The following DNAAF11 variants were observed in gnomAD, a reference collection of about 807,000 sequenced individuals.
DNAAF11 encodes the protein leucine rich repeat containing 6.
Under a neutral mutation model 60.8 loss-of-function variants are expected in DNAAF11, and 45 were observed. The ratio of observed to expected loss-of-function variants is 0.74; its 90% CI spans 0.58 to 0.95. The LOEUF is 0.95. Among genes scored for constraint, DNAAF11 ranks in the 40% least tolerant of loss-of-function variants. DNAAF11 has a pLI of 0.00. For missense variants in DNAAF11, 546 were observed against 546.2 expected, an observed-to-expected ratio of 1.00 and a Z score of 0.00; for synonymous variants, 191 against 183.5, an observed-to-expected ratio of 1.04 and a Z score of -0.33.
chr8:132,576,913 A>T (rs1473416081), intron 11 of DNAAF11, among the ~76,000 whole-genome samples: 4 of 152,180 alleles, frequency 2.6e-5, no homozygotes, highest in African/African-American at 9.7e-5. Context: ...CAGAGGCTGA[A>T]GCTGAGGGTC....
chr8:132,649,454 T>C (rs1822767233), intron 3 of DNAAF11, among the ~76,000 whole-genome samples: 1 of 152,266 alleles, frequency 6.6e-6, no homozygotes, highest in South Asian at 2.1e-4. Flanking sequence ...GACATAGGCA[T>C]GGGCAAGGGC....
At chr8:132,584,723 T>C (rs1407155468) in intron 10 of DNAAF11, among the ~76,000 whole-genome samples, 2 of 152,124 alleles carry the variant, frequency 1.3e-5, no homozygotes, top group African/African-American at 2.4e-5. Flanking sequence ...ATCTCTCTTA[T>C]GGGCAGGGTC....
At position 132,582,344 on chromosome 8, in the gene DNAAF11, C is replaced by A. The variant is rs76804637; in HGVS notation, c.1226+1350G>T. Among the ~76,000 whole-genome samples the A allele has an allele frequency of 2.6e-5, 4 of 152,296 alleles. No homozygotes were observed. The East Asian group carries it at 7.7e-4, about 29-fold the overall frequency. On this transcript the variant is annotated intron_variant, in intron 11 of 11. Transcript: ENST00000620350. ...CACAGGAGGGACTGCTATGAAGAAT[C>A]GTGCTAAGACATCTTGAATCCTCAA...
intron 11 of DNAAF11, among the ~76,000 whole-genome samples, chr8:132,580,319 C>T (rs1195299528): frequency 2.0e-5 from 3 of 152,098 alleles, no homozygotes; most frequent in Non-Finnish European, 2.9e-5. Flanking sequence ...AAGGATCAAT[C>T]GGAAAGCAAG....
rs190840224 is a variant in DNAAF11, at chr8:132,665,968, A to G, written c.11-4341T>C. ...AGTAACATGGATGCAGCTGGAGGCC[A>G]TTATCCCAAGTGAATTCATGCACGA... On this transcript the variant is annotated intron_variant, in intron 1 of 11. Transcript: ENST00000620350. Among the ~76,000 whole-genome samples the G allele has an allele frequency of 2.0e-5, 3 of 152,372 alleles. No homozygotes were observed. The East Asian group carries it at 5.8e-4, about 29-fold the overall frequency.
At position 132,628,687 on chromosome 8, in the gene DNAAF11, G is replaced by T. The variant is rs554148034; in HGVS notation, c.654-3233C>A. Among the ~76,000 whole-genome samples, 208 of 152,268 alleles carry T rather than the reference G, an allele frequency of 1.4e-3. 2 individuals carry two copies. The highest frequency in any genetic ancestry group is 4.7e-3 in the African/African-American group (196 of 41,560). ...TAATTCAATGATTCAGGATTTCAATGATTCTCTCCAGAATGTCTACGTTTC... is the reference window on the plus strand; with the variant it reads ...TAATTCAATGATTCAGGATTTCAATTATTCTCTCCAGAATGTCTACGTTTC... On this transcript the variant is annotated intron_variant, in intron 5 of 11. Coordinates refer to ENST00000620350, the MANE Select transcript of DNAAF11 (RefSeq NM_012472.6).
intron 10 of DNAAF11, among the ~76,000 whole-genome samples, chr8:132,600,853 A>C (rs896178126): frequency 3.9e-5 from 6 of 152,246 alleles, no homozygotes; most frequent in African/African-American, 1.2e-4. Flanking sequence ...CATTCAGGAC[A>C]TAGGCATGGG....
chr8:132,597,725 TC>T (rs1286675548), intron 10 of DNAAF11, among the ~76,000 whole-genome samples: 1 of 152,188 alleles, frequency 6.6e-6, no homozygotes, highest in Non-Finnish European at 1.5e-5. Context: ...TATTTCCTTG[TC>T]CCCAGTTGAC....
rs975578258 is a variant in DNAAF11 at position 132,675,329 on chromosome 8, G to C, written c.10+155C>G. The stretch of plus-strand genomic sequence containing the variant: ...AGTCTGCAGAGGACCTGGTGCAGCC[G>C]GGGCTGCGGTGCGGAGGGCCGGGTG... On this transcript the variant is annotated intron_variant, in intron 1 of 11. Coordinates refer to ENST00000620350, the MANE Select transcript of DNAAF11 (RefSeq NM_012472.6). 7 of 714,112 alleles carry C rather than the reference G, an allele frequency of 9.8e-6. No individual in the cohort carries two copies. The African/African-American group carries it at 1.1e-4, about 11-fold the overall frequency. 44.2% of individuals were successfully genotyped at this position (714,112 alleles called of 1,614,324 possible).
intron 11 of DNAAF11, among the ~76,000 whole-genome samples, chr8:132,576,607 A>G (rs1302871177): frequency 2.0e-5 from 3 of 152,164 alleles, no homozygotes; most frequent in Non-Finnish European, 4.4e-5. Flanking sequence ...CCAAAATCCA[A>G]AATGCCCCCA....
At chr8:132,574,532 G>A (rs1011888364) in intron 11 of DNAAF11, among the ~76,000 whole-genome samples, 1 of 152,234 alleles carries the variant, frequency 6.6e-6, no homozygotes, top group Non-Finnish European at 1.5e-5. Context: ...ATTGCAGGAG[G>A]AATTAAGCAT....
the DNAAF11 span, among the ~76,000 whole-genome samples, chr8:132,685,750 T>G: frequency 6.6e-6 from 1 of 152,236 alleles, no homozygotes; most frequent in Non-Finnish European, 1.5e-5. Context: ...ATATTTATTC[T>G]GAGCTCTACT....
intron 11 of DNAAF11, among the ~76,000 whole-genome samples, chr8:132,573,120 A>AG (rs1814384926): frequency 6.6e-6 from 1 of 151,994 alleles, no homozygotes; most frequent in Admixed American, 6.6e-5. Context: ...AGATACAGAT[A>AG]TAGATATAGA....
chr8:132,643,022 G>C (rs1023019799), intron 3 of DNAAF11, among the ~76,000 whole-genome samples: 3 of 152,180 alleles, frequency 2.0e-5, no homozygotes, highest in Admixed American at 6.5e-5. Flanking sequence ...ATACGAGCAC[G>C]CAACCTACAT....
intron 8 of DNAAF11, among the ~76,000 whole-genome samples, chr8:132,613,466 T>C (rs1328533087): frequency 2.6e-5 from 4 of 152,126 alleles, no homozygotes. Context: ...TAATATGAAA[T>C]ATCCCAAATA....
At chr8:132,689,609 C>T in the DNAAF11 span, among the ~76,000 whole-genome samples, 88,390 of 151,920 alleles carry the variant, frequency 0.58, 28,058 homozygotes, top group African/African-American at 0.85. Context: ...AAATTTGCTT[C>T]TTTAAAAAAT....
At chr8:132,621,490 G>A (rs912184199) in intron 7 of DNAAF11, among the ~76,000 whole-genome samples, 5 of 152,174 alleles carry the variant, frequency 3.3e-5, no homozygotes, top group Non-Finnish European at 7.4e-5. Flanking sequence ...AGTAGAACTG[G>A]TTTTAGGGGC....
chr8:132,572,236 G>T lies in DNAAF11; in HGVS notation c.*70C>A. On this transcript the variant is annotated 3_prime_UTR_variant, in exon 12 of 12. Transcript: ENST00000620350. ...TCTGTGTTTATCCCAGGAATAATAT[G>T]CATATGGTCTCTACACCAACCAAAA... is the stretch of plus-strand genomic sequence containing the variant. 8.0e-7 allele frequency: 1 copy of T among 1,243,890 alleles called. No individual in the cohort carries two copies. The highest frequency in any genetic ancestry group is 1.1e-6 in the Non-Finnish European group (1 of 888,980). 77.1% of individuals were successfully genotyped at this position (1,243,890 alleles called of 1,614,324 possible). A position where few individuals can be genotyped will look rare whatever the true frequency, so the allele number is the denominator to read the frequency against.
intron 3 of DNAAF11, among the ~76,000 whole-genome samples, chr8:132,640,957 C>G (rs1821794304): frequency 1.3e-5 from 2 of 152,096 alleles, no homozygotes. Context: ...ACCTGGGACA[C>G]TTTGATCATT....
Sources: allele counts gnomAD v4.1 joint callset (sites outside exome capture counted in the v4.1 genomes callset), GRCh38; gene constraint gnomAD v4.1.1; transcripts MANE v1.5; gene names NCBI Gene and HGNC (gene_info 2026-07-23, HGNC 2026-07-21).